Variants in ESRP1 observed in about 807,000 individuals in gnomAD.
ESRP1 encodes RNA-binding motif protein 35A.
A neutral mutation model predicts 81.7 loss-of-function variants in ESRP1; 33 were observed. The ratio of observed to expected loss-of-function variants is 0.40; its 90% CI spans 0.31 to 0.54. ESRP1 has a LOEUF of 0.54. ESRP1 is among the 20% of genes least tolerant of loss of function. The pLI is 0.41. For synonymous variants in ESRP1, 320 were observed against 303.3 expected, an observed-to-expected ratio of 1.06 and a Z score of -0.57; for missense variants, 672 against 833.1, an observed-to-expected ratio of 0.81 and a Z score of 2.38.
intron 11 of ESRP1, among the ~76,000 whole-genome samples, 198 bp downstream of exon 11, chr8:94,671,869 T>A (rs1487978388): frequency 6.6e-6 from 1 of 152,154 alleles, no homozygotes; most frequent in Non-Finnish European, 1.5e-5. Context: ...AATTAAAAAG[T>A]ACGTAATCCT....
chr8:94,659,148 C>T lies in ESRP1; in HGVS notation c.491-3124C>T, dbSNP rs563609345. Among the ~76,000 whole-genome samples, 11 of 151,912 alleles carry T rather than the reference C, an allele frequency of 7.2e-5. No individual in the cohort carries two copies. The South Asian group carries it at 1.7e-3, about 23-fold the overall frequency. On this transcript the variant is annotated intron_variant, in intron 4 of 15. Coordinates refer to ENST00000433389, the MANE Select transcript of ESRP1 (RefSeq NM_017697.4). ...CTCCCACCTCGGCCTCCCAAAGTGC[C>T]GGGATTACAGGCGTGAGCCACCGTG... is the stretch of plus-strand genomic sequence containing the variant.
chr8:94,704,291 C>T (rs1241533754), intron 15 of ESRP1, among the ~76,000 whole-genome samples: 1 of 150,476 alleles, frequency 6.6e-6, no homozygotes, highest in African/African-American at 2.5e-5. Flanking sequence ...TAAAACATTC[C>T]TGTTTTTCAT....
intron 2 of ESRP1, among the ~76,000 whole-genome samples, 181 bp from the exon 3 acceptor site, chr8:94,643,122 C>G: frequency 6.6e-6 from 1 of 152,212 alleles, no homozygotes; most frequent in East Asian, 1.9e-4. Context: ...TGGAAAGCTT[C>G]CCTACCTCGA....
At chr8:94,645,622 A>G (rs1230150829) in intron 3 of ESRP1, among the ~76,000 whole-genome samples, 1 of 152,176 alleles carries the variant, frequency 6.6e-6, no homozygotes, top group African/African-American at 2.4e-5. Flanking sequence ...AATATTGTTC[A>G]AGAAGACTAA....
intron 6 of ESRP1, among the ~76,000 whole-genome samples, chr8:94,663,445 C>T (rs1157815809): frequency 6.6e-6 from 1 of 151,970 alleles, no homozygotes; most frequent in East Asian, 1.9e-4. Context: ...GGGGTTTTGC[C>T]GTGTTGACCA....
intron 10 of ESRP1, among the ~76,000 whole-genome samples, chr8:94,670,873 T>C (rs942484189): frequency 6.6e-6 from 1 of 152,240 alleles, no homozygotes; most frequent in African/African-American, 2.4e-5. Context: ...TTCAGGTCTT[T>C]ATACCCACCC....
intron 13 of ESRP1, among the ~76,000 whole-genome samples, chr8:94,678,800 C>A (rs1231967987): frequency 6.6e-6 from 1 of 152,204 alleles, no homozygotes; most frequent in African/African-American, 2.4e-5. Context: ...GGCTTATATT[C>A]TTTTCCTCCT....
At chr8:94,647,739 AC>A (rs1817920503) in intron 4 of ESRP1, among the ~76,000 whole-genome samples, 1 of 152,168 alleles carries the variant, frequency 6.6e-6, no homozygotes, top group South Asian at 2.1e-4. Context: ...TATATATTAA[AC>A]TTTTTAATGT....
chr8:94,677,635 C>G (rs546322911), intron 12 of ESRP1, among the ~76,000 whole-genome samples: 3 of 152,200 alleles, frequency 2.0e-5, no homozygotes, highest in South Asian at 2.1e-4. Flanking sequence ...ATGTGGCTAG[C>G]CTTTAGGTGA....
At chr8:94,690,304 T>TTTTTG (rs1809346846) in intron 13 of ESRP1, among the ~76,000 whole-genome samples, 1 of 71,416 alleles carries the variant, frequency 1.4e-5, no homozygotes, top group Non-Finnish European at 3.2e-5. Flanking sequence ...TTTTTTTTTT[T>TTTTTG]GGATTTTTAG....
rs192085450 is a variant in ESRP1, at chr8:94,678,296, G to C, written c.1745G>C (p.Arg582Pro). The C allele has an allele frequency of 6.2e-7, 1 of 1,613,868 alleles. No homozygotes were observed. Among genetic ancestry groups the C allele is most frequent in the South Asian group, 1.1e-5 (1 of 91,068 alleles). The change falls in exon 13 of 16, where the codon CGA (arginine) becomes CCA (proline). Residue 582 changes from arginine (R) to proline (P), a missense_variant. Coordinates refer to ENST00000433389, the MANE Select transcript of ESRP1 (RefSeq NM_017697.4). ...CAGCCCTCTGTGATTTTGAATCCAC[G>C]AGCACTGCAGCCCTCCACAGCGTAC... ...IYQPSVILNP[R>P]ALQPSTAYYP... is the part of the protein sequence containing the mutation.
chr8:94,657,980 C>T (rs754475642), intron 4 of ESRP1, among the ~76,000 whole-genome samples: 6 of 152,162 alleles, frequency 3.9e-5, no homozygotes, highest in Non-Finnish European at 5.9e-5. Flanking sequence ...GCCATGATCT[C>T]GGTTCACTGC....
intron 14 of ESRP1, among the ~76,000 whole-genome samples, chr8:94,696,507 G>A (rs556377667): frequency 6.6e-6 from 1 of 152,308 alleles, no homozygotes; most frequent in East Asian, 1.9e-4. Context: ...CAAATAACTA[G>A]TGCTCAAATA....
chr8:94,650,850 T>C (rs746729741), intron 4 of ESRP1, among the ~76,000 whole-genome samples: 1 of 152,138 alleles, frequency 6.6e-6, no homozygotes, highest in Non-Finnish European at 1.5e-5. Context: ...TAGCTGGGAC[T>C]ACAGGCGCCC....
chr8:94,682,925 TATATA>T, intron 13 of ESRP1, among the ~76,000 whole-genome samples: 1 of 37,640 alleles, frequency 2.7e-5, no homozygotes, highest in African/African-American at 1.5e-4. Context: ...TATATATATA[TATATA>T]TATTTTTTTT....
At chr8:94,680,718 C>T (rs973430147) in intron 13 of ESRP1, among the ~76,000 whole-genome samples, 23 of 152,176 alleles carry the variant, frequency 1.5e-4, no homozygotes, top group African/African-American at 5.3e-4. Context: ...TGAGCCACCA[C>T]GCTCGGTGAA....
intron 13 of ESRP1, among the ~76,000 whole-genome samples, chr8:94,689,101 A>G (rs1158722741): frequency 1.3e-5 from 2 of 152,080 alleles, no homozygotes; most frequent in East Asian, 3.9e-4. Flanking sequence ...AAATACAAAA[A>G]TTAGCCAGAT....
chr8:94,668,969 T>C (rs565376081), intron 10 of ESRP1, among the ~76,000 whole-genome samples: 1 of 152,148 alleles, frequency 6.6e-6, no homozygotes, highest in Non-Finnish European at 1.5e-5. Flanking sequence ...AGTTTTGAAT[T>C]TTTAATGGAG....
intron 4 of ESRP1, 75 bp downstream of exon 4, chr8:94,646,357 C>T: frequency 3.8e-6 from 4 of 1,043,762 alleles, no homozygotes; most frequent in South Asian, 1.7e-5. Flanking sequence ...AACTTTCAAA[C>T]ATTTTAAATT....
Sources: gnomAD v4.1 joint callset for allele counts (sites outside exome capture counted in the v4.1 genomes callset) on GRCh38, gnomAD v4.1.1 for gene constraint, MANE v1.5 for transcripts, NCBI Gene and HGNC (gene_info 2026-07-23, HGNC 2026-07-21) for gene names.